The following PRKD1 variants were observed in gnomAD, a reference collection of about 807,000 sequenced individuals.
PRKD1 encodes the protein serine/threonine-protein kinase D1.
Under a neutral mutation model 95.9 loss-of-function variants are expected in PRKD1, and 63 were observed. That is an observed-to-expected ratio of 0.66 (90% confidence interval 0.54 to 0.81). The LOEUF is 0.81. PRKD1 is among the 30% of genes least tolerant of loss of function. The pLI is 0.00. For synonymous variants in PRKD1, 425 were observed against 423.1 expected (o/e 1.00, Z -0.05); for missense variants, 1,048 against 1,165.3 (o/e 0.90, Z 1.47).
intron 1 of PRKD1, among the ~76,000 whole-genome samples, chr14:29,780,315 G>T (rs145305769): frequency 0.02 from 3,078 of 152,266 alleles, 107 homozygotes; most frequent in Admixed American, 0.088. Context: ...AAGAGCTTCT[G>T]CACATCAAAA....
intron 1 of PRKD1, among the ~76,000 whole-genome samples, chr14:29,832,996 A>G (rs147822854): frequency 2.8e-4 from 42 of 152,116 alleles, no homozygotes; most frequent in Non-Finnish European, 5.9e-5. Flanking sequence ...AACACTTCCT[A>G]TCTTTAAGCT....
intron 1 of PRKD1, among the ~76,000 whole-genome samples, chr14:29,905,718 T>C (rs963265813): frequency 4.6e-5 from 7 of 152,154 alleles, no homozygotes; most frequent in African/African-American, 1.4e-4. Context: ...CTCCTCAAGG[T>C]TGACTGCAGA....
intron 13 of PRKD1, among the ~76,000 whole-genome samples, chr14:29,611,707 G>A (rs1408491476): frequency 7.1e-6 from 1 of 141,442 alleles, no homozygotes; most frequent in Non-Finnish European, 1.5e-5. Context: ...TTGGGTTTGT[G>A]TTTAGGAGAA....
At chr14:29,862,375 G>A (rs889107799) in intron 1 of PRKD1, among the ~76,000 whole-genome samples, 1 of 152,158 alleles carries the variant, frequency 6.6e-6, no homozygotes, top group African/African-American at 2.4e-5. Flanking sequence ...TTCGGGGAGG[G>A]GGGTGGTATT....
intron 1 of PRKD1, among the ~76,000 whole-genome samples, chr14:29,882,958 T>C (rs1893567287): frequency 6.6e-6 from 1 of 152,228 alleles, no homozygotes; most frequent in Admixed American, 6.5e-5. Flanking sequence ...TGTATTACGT[T>C]GTTCTAGCAT....
At chr14:29,636,518 A>G in intron 6 of PRKD1, 24 bp from the exon 7 acceptor site, 1 of 1,612,856 alleles carries the variant, frequency 6.2e-7, no homozygotes, top group Non-Finnish European at 8.5e-7. Flanking sequence ...TTCACCCATG[A>G]AGATAAGCCT....
intron 1 of PRKD1, among the ~76,000 whole-genome samples, chr14:29,888,335 A>C (rs530125206): frequency 6.6e-6 from 1 of 152,044 alleles, no homozygotes; most frequent in African/African-American, 2.4e-5. Context: ...AAAGAAAGGA[A>C]AGAAAGAAAG....
intron 1 of PRKD1, among the ~76,000 whole-genome samples, chr14:29,794,732 T>C (rs753499536): frequency 2.6e-5 from 4 of 152,040 alleles, no homozygotes; most frequent in Non-Finnish European, 5.9e-5. Context: ...TATGTATCAG[T>C]CTGTCTGGTG....
At chr14:29,820,597 G>A (rs1035074418) in intron 1 of PRKD1, among the ~76,000 whole-genome samples, 12 of 152,250 alleles carry the variant, frequency 7.9e-5, no homozygotes, top group African/African-American at 2.9e-4. Flanking sequence ...AAGTAAAGGT[G>A]TTTTCATTGA....
intron 2 of PRKD1, among the ~76,000 whole-genome samples, chr14:29,691,641 G>T (rs976320968): frequency 6.6e-6 from 1 of 152,052 alleles, no homozygotes; most frequent in African/African-American, 2.4e-5. Flanking sequence ...TGGTGCAAAA[G>T]TAATCAGGTT....
chr14:29,632,717 T>G lies in PRKD1; in HGVS notation c.1392+152A>C, dbSNP rs1054741918. 3 of 606,988 alleles carry G rather than the reference T, an allele frequency of 4.9e-6. No homozygotes were observed. The African/African-American group carries it at 5.6e-5, about 11-fold the overall frequency. The allele number at this position is 606,988 out of a possible 1,614,324, so 37.6% of individuals were successfully genotyped here. A position where few individuals can be genotyped will look rare whatever the true frequency, so the allele number is the denominator to read the frequency against. The stretch of plus-strand genomic sequence containing the variant: ...GGTCCCAACCTGAATCCCAAGAAAT[T>G]TGTAGACTATAGAGAAGAAAAAAAA... On this transcript the variant is annotated intron_variant, in intron 9 of 17. Coordinates refer to ENST00000331968, the MANE Select transcript of PRKD1 (RefSeq NM_002742.3).
chr14:29,610,992 G>A (rs1268912067), intron 13 of PRKD1, among the ~76,000 whole-genome samples: 1 of 152,232 alleles, frequency 6.6e-6, no homozygotes, highest in African/African-American at 2.4e-5. Context: ...ATCAGTGGCT[G>A]ACAGGGATAG....
intron 1 of PRKD1, among the ~76,000 whole-genome samples, chr14:29,803,352 T>C (rs1890109750): frequency 6.6e-6 from 1 of 152,246 alleles, no homozygotes; most frequent in Non-Finnish European, 1.5e-5. Context: ...TATGACCATT[T>C]TGGGGAATTT....
At chr14:29,732,446 T>C (rs1886487378) in intron 1 of PRKD1, among the ~76,000 whole-genome samples, 1 of 152,180 alleles carries the variant, frequency 6.6e-6, no homozygotes, top group African/African-American at 2.4e-5. Context: ...CTATGTCTTT[T>C]ACATACACAA....
chr14:29,803,706 A>T (rs1675425908), intron 1 of PRKD1, among the ~76,000 whole-genome samples: 1 of 152,188 alleles, frequency 6.6e-6, no homozygotes, highest in South Asian at 2.1e-4. Flanking sequence ...CAAGGCTAGT[A>T]ATTAGGGGTA....
chr14:29,844,930 G>T (rs545447857), intron 1 of PRKD1, among the ~76,000 whole-genome samples: 1 of 152,248 alleles, frequency 6.6e-6, no homozygotes, highest in East Asian at 1.9e-4. Context: ...TTGCTGTTAA[G>T]ATAATTTTCC....
intron 2 of PRKD1, among the ~76,000 whole-genome samples, chr14:29,717,379 T>A (rs1269041871): frequency 6.6e-6 from 1 of 152,136 alleles, no homozygotes; most frequent in Non-Finnish European, 1.5e-5. Flanking sequence ...AACCATATAT[T>A]GGAGATACTG....
intron 2 of PRKD1, among the ~76,000 whole-genome samples, chr14:29,706,052 C>T (rs1312723649): frequency 2.6e-5 from 4 of 152,130 alleles, no homozygotes; most frequent in African/African-American, 9.7e-5. Flanking sequence ...CACCATTTTA[C>T]ATTCCATCAA....
chr14:29,921,218 A>T (rs1202496089), intron 1 of PRKD1, among the ~76,000 whole-genome samples: 3 of 152,174 alleles, frequency 2.0e-5, no homozygotes, highest in Admixed American at 2.0e-4. Flanking sequence ...ATTTAGTAAT[A>T]ATTAGATTAG....
Sources: gnomAD v4.1 joint callset for allele counts (sites outside exome capture counted in the v4.1 genomes callset) on GRCh38, gnomAD v4.1.1 for gene constraint, MANE v1.5 for transcripts, NCBI Gene and HGNC (gene_info 2026-07-23, HGNC 2026-07-21) for gene names.